Variants in PRKN observed in about 807,000 individuals in gnomAD.
PRKN encodes parkin RBR E3 ubiquitin protein ligase, also known as E3 ubiquitin-protein ligase parkin.
A neutral mutation model predicts 59.5 loss-of-function variants in PRKN; 56 were observed. The ratio of observed to expected loss-of-function variants is 0.94; its 90% CI spans 0.76 to 1.18. The LOEUF (loss-of-function observed/expected upper bound fraction) is 1.18, where lower values mean the gene tolerates loss of function less well. Among genes scored for constraint, PRKN ranks in the 50% most tolerant of loss-of-function variants. PRKN has a pLI of 0.00. For missense variants in PRKN, 657 were observed against 596.4 expected (o/e 1.10, Z -1.06); for synonymous variants, 250 against 222.1 (o/e 1.13, Z -1.12).
At chr6:162,154,544 A>T (rs1782419132) in intron 4 of PRKN, among the ~76,000 whole-genome samples, 1 of 151,500 alleles carries the variant, frequency 6.6e-6, no homozygotes, top group African/African-American at 2.4e-5. Context: ...AAAAAGGAAA[A>T]GAAATGAGAT....
At chr6:162,105,406 T>C (rs530356145) in intron 4 of PRKN, among the ~76,000 whole-genome samples, 2 of 152,170 alleles carry the variant, frequency 1.3e-5, no homozygotes, top group African/African-American at 4.8e-5. Flanking sequence ...ATAAATAAAA[T>C]ATTCATTTTT....
chr6:162,169,948 G>A (rs911356810), intron 4 of PRKN, among the ~76,000 whole-genome samples: 9 of 152,110 alleles, frequency 5.9e-5, no homozygotes, highest in Non-Finnish European at 1.0e-4. Context: ...ACGTGATGGG[G>A]GAAGAAAGCG....
At chr6:161,632,060 C>T (rs1033652230) in intron 7 of PRKN, among the ~76,000 whole-genome samples, 3 of 152,176 alleles carry the variant, frequency 2.0e-5, no homozygotes, top group African/African-American at 7.2e-5. Flanking sequence ...TTAAAATAAG[C>T]CAAACCAAGA....
At chr6:162,297,319 A>ACAAGATC (rs1386160119) in intron 2 of PRKN, among the ~76,000 whole-genome samples, 7 of 152,068 alleles carry the variant, frequency 4.6e-5, no homozygotes, top group African/African-American at 1.7e-4. Context: ...GGCATCCGTT[A>ACAAGATC]CAAGATCCTG....
rs942441268 is a variant in PRKN, at chr6:161,484,361, G to A, written c.1083+64493C>T. On this transcript the variant is annotated intron_variant, in intron 9 of 11. Coordinates refer to ENST00000366898, the MANE Select transcript of PRKN (RefSeq NM_004562.3). This position sits in a 1 kb window ranked among gnomAD's most constrained non-coding sequence, Gnocchi z 4.9. The stretch of plus-strand genomic sequence containing the variant: ...AGATGGGCCATCCAGCCTGAAGAAA[G>A]CCTTTCTTGTTGCTGCTATTTGTAT... Among the ~76,000 whole-genome samples, 1 of 152,110 alleles carries A rather than the reference G, an allele frequency of 6.6e-6. No individual in the cohort carries two copies. Among genetic ancestry groups the A allele is most frequent in the Non-Finnish European group, 1.5e-5 (1 of 68,010 alleles).
intron 6 of PRKN, among the ~76,000 whole-genome samples, chr6:161,829,607 C>T (rs926641874): frequency 3.3e-5 from 5 of 152,078 alleles, no homozygotes; most frequent in South Asian, 2.1e-4. Flanking sequence ...GATACTAACG[C>T]TCAGGAAGCC....
At chr6:162,453,703 G>A (rs1221428058) in intron 1 of PRKN, among the ~76,000 whole-genome samples, 1 of 152,140 alleles carries the variant, frequency 6.6e-6, no homozygotes. Flanking sequence ...AGGAGTTCGA[G>A]ACCAGCCTGG....
At chr6:162,170,456 C>CA (rs1783221373) in intron 4 of PRKN, among the ~76,000 whole-genome samples, 1 of 152,040 alleles carries the variant, frequency 6.6e-6, no homozygotes, top group Admixed American at 6.6e-5. Context: ...CAAAAAAATA[C>CA]AAAAACAAAA....
At chr6:161,896,280 T>G (rs2128233562) in intron 6 of PRKN, among the ~76,000 whole-genome samples, 1 of 152,284 alleles carries the variant, frequency 6.6e-6, no homozygotes, top group South Asian at 2.1e-4. Flanking sequence ...TAGAAGACAG[T>G]GGAAGTGCTG....
intron 2 of PRKN, among the ~76,000 whole-genome samples, chr6:162,433,060 C>T (rs1307935096): frequency 6.6e-6 from 1 of 152,138 alleles, no homozygotes; most frequent in Non-Finnish European, 1.5e-5. Context: ...GTAAATCTGT[C>T]CCCTTTTGCA....
At chr6:161,785,728 T>C in intron 7 of PRKN, 44 bp downstream of exon 7, 1 of 1,599,206 alleles carries the variant, frequency 6.3e-7, no homozygotes, top group Non-Finnish European at 8.6e-7. Flanking sequence ...GTTCTTCTGT[T>C]CTTCATTAGC....
At position 162,122,404 on chromosome 6, in the gene PRKN, C is replaced by T. The variant is rs80114747; in HGVS notation, c.535-68230G>A. On this transcript the variant is annotated intron_variant, in intron 4 of 11. Transcript: ENST00000366898. ...CTTACATTATGCAGGAGGCAGCAAA[C>T]GGTCCTCGCTGGAAAAGGCATTTAT... Among the ~76,000 whole-genome samples, 730 of 152,270 alleles carry T rather than the reference C, an allele frequency of 4.8e-3. 1 individual carries two copies. Among genetic ancestry groups the T allele is most frequent in the Admixed American group, 8.2e-3 (126 of 15,302 alleles).
chr6:162,042,450 AT>A (rs11459736), intron 5 of PRKN, among the ~76,000 whole-genome samples: 31 of 147,866 alleles, frequency 2.1e-4, no homozygotes, highest in South Asian at 2.2e-4. Flanking sequence ...TACCCAGCTA[AT>A]TTTTTTTTTT....
chr6:161,514,645 G>A (rs1274718500), intron 9 of PRKN, among the ~76,000 whole-genome samples: 1 of 152,000 alleles, frequency 6.6e-6, no homozygotes, highest in Non-Finnish European at 1.5e-5. Flanking sequence ...TTGGGGGATA[G>A]CCGTTTGTCC....
chr6:162,377,795 C>T (rs942279018), intron 2 of PRKN, among the ~76,000 whole-genome samples: 8 of 152,146 alleles, frequency 5.3e-5, no homozygotes, highest in Admixed American at 5.2e-4. Context: ...CAAAGCAATA[C>T]CCCAGCAGGT....
intron 1 of PRKN, among the ~76,000 whole-genome samples, chr6:162,468,893 G>A (rs1239458925): frequency 6.6e-6 from 1 of 152,070 alleles, no homozygotes; most frequent in East Asian, 1.9e-4. Context: ...AATTTTAGGG[G>A]AAAAAACAGA....
chr6:161,566,800 C>T lies in PRKN; in HGVS notation c.933+2555G>A, dbSNP rs1780659126. Among the ~76,000 whole-genome samples, 1 of 152,140 alleles carries T rather than the reference C, an allele frequency of 6.6e-6. No individual in the cohort carries two copies. The highest frequency in any genetic ancestry group is 2.1e-4 in the South Asian group (1 of 4,826). On this transcript the variant is annotated intron_variant, in intron 8 of 11. Coordinates refer to ENST00000366898, the MANE Select transcript of PRKN (RefSeq NM_004562.3). This position sits in a 1 kb window ranked among gnomAD's most constrained non-coding sequence, Gnocchi z 4.1. ...CTCCTCCCCTCCCCTCCACCAGTCACACTTGTTTCTGGACTATTATGAATG... is the reference window on the plus strand; with the variant it reads ...CTCCTCCCCTCCCCTCCACCAGTCATACTTGTTTCTGGACTATTATGAATG...
intron 5 of PRKN, among the ~76,000 whole-genome samples, chr6:162,021,075 C>T (rs1407927003): frequency 2.9e-5 from 4 of 137,792 alleles, no homozygotes; most frequent in Admixed American, 7.7e-5. Flanking sequence ...TGCACTCCAG[C>T]CTGGGTGACA....
chr6:162,556,366 T>TGTGTGTGCGTGC (rs760574593), intron 1 of PRKN, among the ~76,000 whole-genome samples: 3 of 98,298 alleles, frequency 3.1e-5, no homozygotes, highest in African/African-American at 9.1e-5. Flanking sequence ...TGTGTGTGTG[T>TGTGTGTGCGTGC]GTGTGTGTGT....
Sources: gnomAD v4.1 joint callset for allele counts (sites outside exome capture counted in the v4.1 genomes callset) on GRCh38, gnomAD v4.1.1 for gene constraint, Gnocchi (gnomAD v3.1) non-coding constraint, MANE v1.5 for transcripts, NCBI Gene and HGNC (gene_info 2026-07-23, HGNC 2026-07-21) for gene names.